COL4A2: variants seen among roughly 807,000 people sequenced by gnomAD.
COL4A2 encodes collagen type IV alpha 2 chain.
In COL4A2, 99 loss-of-function variants were observed where a neutral mutation model predicts 200.2. The observed-to-expected ratio is 0.49, with a 90% CI of 0.42 to 0.58. The LOEUF (loss-of-function observed/expected upper bound fraction) is 0.58. Ranked by LOEUF, COL4A2 falls within the 20% of genes least tolerant of loss-of-function variation. The pLI is 0.00. For missense variants in COL4A2, 1,950 were observed against 2,314.1 expected, an observed-to-expected ratio of 0.84 and a Z score of 3.23; for synonymous variants, 897 against 900.6, an observed-to-expected ratio of 1.00 and a Z score of 0.07.
intron 3 of COL4A2, among the ~76,000 whole-genome samples, chr13:110,309,990 A>AAAAAC (rs2139337689): frequency 6.6e-6 from 1 of 152,212 alleles, no homozygotes; most frequent in Non-Finnish European, 1.5e-5. Flanking sequence ...GACTCTGTCT[A>AAAAAC]AAAACAAAAC....
intron 18 of COL4A2, 35 bp from the exon 19 acceptor site, chr13:110,449,644 T>G (rs1444392939): frequency 1.3e-6 from 2 of 1,524,378 alleles, no homozygotes; most frequent in Admixed American, 4.6e-5. Context: ...TAGACCACGG[T>G]CTTGTTCTTA....
intron 4 of COL4A2, among the ~76,000 whole-genome samples, chr13:110,387,679 A>T (rs74127434): frequency 0.037 from 5,567 of 152,226 alleles, 234 homozygotes; most frequent in African/African-American, 0.099. Context: ...GTTTTTCTAA[A>T]TACACCTCAG....
chr13:110,340,361 G>A (rs747940239), intron 3 of COL4A2, among the ~76,000 whole-genome samples: 1 of 152,110 alleles, frequency 6.6e-6, no homozygotes, highest in Non-Finnish European at 1.5e-5. Context: ...GTGAGCCACC[G>A]CGCCCAGCCA....
intron 8 of COL4A2, 41 bp downstream of exon 8, chr13:110,429,997 G>C (rs764529912): frequency 6.6e-7 from 1 of 1,522,202 alleles, no homozygotes; most frequent in South Asian, 1.3e-5. Context: ...AAGGGACCCA[G>C]TGTAAATTCT....
chr13:110,509,503 G>A lies in COL4A2; in HGVS notation c.4881+1282G>A, dbSNP rs186741329. On this transcript the variant is annotated intron_variant, in intron 47 of 47. Transcript: ENST00000360467. ...TTTCCAGAAGCTTATCATGGAAGGTGACTTTGGAGCAACCTTCTTTTGTTT... is the reference window on the plus strand; with the variant it reads ...TTTCCAGAAGCTTATCATGGAAGGTAACTTTGGAGCAACCTTCTTTTGTTT... 2.0e-5 allele frequency among the ~76,000 whole-genome samples: 3 copies of A among 152,214 alleles called. No individual in the cohort carries two copies. In the East Asian group the frequency reaches 5.8e-4, roughly 29 times the overall value.
intron 3 of COL4A2, among the ~76,000 whole-genome samples, chr13:110,314,162 A>G (rs1885072764): frequency 6.6e-6 from 1 of 152,236 alleles, no homozygotes. Context: ...GAAATGTGCC[A>G]TAGTTTTATA....
chr13:110,347,332 G>T (rs527675130), intron 3 of COL4A2, among the ~76,000 whole-genome samples: 1 of 152,344 alleles, frequency 6.6e-6, no homozygotes. Context: ...CTTTAGCTGG[G>T]AAGGCTCGGG....
chr13:110,452,903 C>T (rs556633170), intron 20 of COL4A2, among the ~76,000 whole-genome samples: 8 of 152,204 alleles, frequency 5.3e-5, no homozygotes, highest in Middle Eastern at 3.4e-3. Context: ...GCTGGGATTA[C>T]AGGCATGCAC....
intron 40 of COL4A2, among the ~76,000 whole-genome samples, chr13:110,500,812 C>G (rs1040597715): frequency 6.6e-6 from 1 of 152,220 alleles, no homozygotes; most frequent in Non-Finnish European, 1.5e-5. Flanking sequence ...CATGCACTCA[C>G]TCGTGCCTGA....
chr13:110,508,517 C>G lies in COL4A2; in HGVS notation c.4881+296C>G, dbSNP rs1335385629. On this transcript the variant is annotated intron_variant, in intron 47 of 47. Coordinates refer to ENST00000360467, the MANE Select transcript of COL4A2 (RefSeq NM_001846.4). This position sits in a 1 kb window ranked among gnomAD's most constrained non-coding sequence, Gnocchi z 6.1. ...TTATCCGTCTTACTAGGTACAACAC[C>G]AACACCAAAGGTGCAGCTGCTTTGG... 1.3e-5 allele frequency among the ~76,000 whole-genome samples: 2 copies of G among 152,224 alleles called. No homozygotes were observed. The highest frequency in any genetic ancestry group is 2.4e-5 in the African/African-American group (1 of 41,446).
chr13:110,405,814 T>C (rs945958980), intron 4 of COL4A2, among the ~76,000 whole-genome samples: 2 of 152,362 alleles, frequency 1.3e-5, no homozygotes, highest in African/African-American at 4.8e-5. Context: ...GCCTTGGTTT[T>C]AATGCTGCTC....
intron 3 of COL4A2, among the ~76,000 whole-genome samples, chr13:110,317,100 GAC>G (rs916018841): frequency 6.8e-6 from 1 of 147,462 alleles, no homozygotes. Flanking sequence ...CACACATACA[GAC>G]ACACACATGC....
At position 110,506,705 on chromosome 13, in the gene COL4A2, T is replaced by C. The variant is rs114363521; in HGVS notation, c.4594+99T>C. On this transcript the variant is annotated intron_variant, in intron 46 of 47. Transcript: ENST00000360467. ...GCGAGACTCCCAAACCCTCCACGGC[T>C]GGTAAGTTCCCCTGACGGAAGGGTC... 2,785 of 1,297,030 alleles carry C rather than the reference T, an allele frequency of 2.1e-3. 46 individuals carry two copies. In the African/African-American group the frequency reaches 0.036, roughly 17 times the overall value. The allele number at this position is 1,297,030 out of a possible 1,614,324, so 80.3% of individuals were successfully genotyped here.
chr13:110,404,440 C>T (rs1257324765), intron 4 of COL4A2, among the ~76,000 whole-genome samples: 1 of 152,196 alleles, frequency 6.6e-6, no homozygotes, highest in African/African-American at 2.4e-5. Flanking sequence ...TATCAGGCAG[C>T]TACTCTCTCA....
chr13:110,328,539 C>T (rs1275553431), intron 3 of COL4A2: 1 of 152,202 alleles, frequency 6.6e-6, no homozygotes, highest in Non-Finnish European at 1.5e-5. Flanking sequence ...TAGAACAGCG[C>T]ACTTTTCAGA....
chr13:110,442,343 T>C (rs1221478519), intron 16 of COL4A2, among the ~76,000 whole-genome samples: 1 of 152,162 alleles, frequency 6.6e-6, no homozygotes, highest in African/African-American at 2.4e-5. Flanking sequence ...ACTATAGAAA[T>C]GGGAAATAGG....
rs140592291 is a variant in COL4A2, at chr13:110,485,249, C to T, written c.3025+222C>T. Among the ~76,000 whole-genome samples the T allele has an allele frequency of 0.013, 1,923 of 152,250 alleles. 39 individuals carry two copies. Among genetic ancestry groups the T allele is most frequent in the African/African-American group, 0.044 (1,819 of 41,536 alleles). Reference sequence around the variant, plus strand: ...CTTAAGATTTGCAGCACTGGCCGGGCGCGGTGGCTCACGCCTGTAATCCCA... The same window carrying T: ...CTTAAGATTTGCAGCACTGGCCGGGTGCGGTGGCTCACGCCTGTAATCCCA... On this transcript the variant is annotated intron_variant, in intron 33 of 47. Transcript: ENST00000360467.
intron 4 of COL4A2, among the ~76,000 whole-genome samples, chr13:110,407,373 G>T (rs1879612173): frequency 6.6e-6 from 1 of 152,204 alleles, no homozygotes; most frequent in African/African-American, 2.4e-5. Flanking sequence ...CACAGTTGTG[G>T]AGATGTCAGC....
intron 15 of COL4A2, among the ~76,000 whole-genome samples, chr13:110,439,432 A>G (rs1342241142): frequency 6.6e-6 from 1 of 152,178 alleles, no homozygotes; most frequent in East Asian, 1.9e-4. Flanking sequence ...ACGTTATGAA[A>G]GTATTGCTAA....
Sources: gnomAD v4.1 joint callset for allele counts (sites outside exome capture counted in the v4.1 genomes callset) on GRCh38, gnomAD v4.1.1 for gene constraint, Gnocchi (gnomAD v3.1) non-coding constraint, MANE v1.5 for transcripts, NCBI Gene and HGNC (gene_info 2026-07-23, HGNC 2026-07-21) for gene names.